TNFRSF10B: variants seen among roughly 807,000 people sequenced by gnomAD.
TNFRSF10B encodes the protein TNF receptor superfamily member 10b, also known as tumor necrosis factor receptor superfamily member 10B.
In TNFRSF10B, 35 loss-of-function variants were observed where a neutral mutation model predicts 41.4. That is an observed-to-expected ratio of 0.85 (90% CI 0.65 to 1.12). The LOEUF (loss-of-function observed/expected upper bound fraction) is 1.12, where lower values mean the gene tolerates loss of function less well. TNFRSF10B is among the 50% of genes most tolerant of loss of function. The probability of loss-of-function intolerance (pLI) is 0.00; values close to 1 mark genes in which losing one functional copy is unlikely to be tolerated. For synonymous variants in TNFRSF10B, 230 were observed against 215.5 expected, an observed-to-expected ratio of 1.07 and a Z score of -0.59; for missense variants, 584 against 552.7, an observed-to-expected ratio of 1.06 and a Z score of -0.57.
intron 1 of TNFRSF10B, among the ~76,000 whole-genome samples, chr8:23,065,528 G>A (rs960475826): frequency 7.2e-5 from 11 of 152,204 alleles, no homozygotes; most frequent in African/African-American, 2.7e-4. Flanking sequence ...AGGGCTGGGA[G>A]ATCTGCATGT....
intron 2 of TNFRSF10B, chr8:23,042,789 GT>G (rs1812243172): frequency 9.8e-6 from 2 of 204,836 alleles, no homozygotes; most frequent in Non-Finnish European, 9.9e-6. Context: ...CCTGGCAATT[GT>G]TCCAGTGGAA....
At chr8:23,068,535 T>C (rs554600526) in intron 1 of TNFRSF10B, 2 of 665,202 alleles carry the variant, frequency 3.0e-6, no homozygotes, top group South Asian at 4.0e-5. Flanking sequence ...TTACACCAAG[T>C]GGAGCGCGCG....
chr8:23,056,225 C>T (rs1812660723), intron 1 of TNFRSF10B, among the ~76,000 whole-genome samples: 3 of 150,612 alleles, frequency 2.0e-5, no homozygotes, highest in African/African-American at 7.3e-5. Context: ...ACATACTGTC[C>T]TTATAGAGTC....
intron 2 of TNFRSF10B, among the ~76,000 whole-genome samples, chr8:23,037,915 T>C (rs747375721): frequency 6.6e-6 from 1 of 152,144 alleles, no homozygotes; most frequent in African/African-American, 2.4e-5. Context: ...TTATCAAAAT[T>C]TTTGCTGCTT....
intron 1 of TNFRSF10B, among the ~76,000 whole-genome samples, chr8:23,067,355 C>T (rs1255995593): frequency 1.3e-5 from 2 of 152,100 alleles, no homozygotes; most frequent in Non-Finnish European, 2.9e-5. Flanking sequence ...TTCAACACAA[C>T]CCAGTTGTGG....
At chr8:23,047,617 G>A (rs919484608) in intron 1 of TNFRSF10B, among the ~76,000 whole-genome samples, 7 of 151,272 alleles carry the variant, frequency 4.6e-5, no homozygotes, top group Admixed American at 6.6e-5. Context: ...TCAACATCAC[G>A]AATCATTAGG....
At position 23,043,225 on chromosome 8, in the gene TNFRSF10B, G is replaced by C; in HGVS notation, c.163C>G (p.Leu55Val). The C allele has an allele frequency of 3.7e-6, 6 of 1,614,126 alleles. No homozygotes were observed. Among genetic ancestry groups the C allele is most frequent in the Non-Finnish European group, 5.1e-6 (6 of 1,180,018 alleles). Residue 55 changes from leucine (L) to valine (V), a missense_variant, in exon 2 of 9, where the codon CTG (leucine) becomes GTG (valine). Transcript: ENST00000276431. ...GGAGCTAGGTCTTGTTGGGTGATCA[G>C]AGCAGACTCAGCTGAGACCTGTGGG... Reference protein sequence around the residue: ...VLLLVSAESALITQQDLAPQQ... With the variant: ...VLLLVSAESAVITQQDLAPQQ...
At position 23,028,407 on chromosome 8, in the gene TNFRSF10B, GA is replaced by G; in HGVS notation, c.671del (p.Val224AlafsTer2). The part of the protein sequence containing the change: ...IIIGVTVAAV[V>X]LIVAVFVCKS... ...TGCAAACAAACACAGCCACAATCAAGACTACGGCTGCAACTGTGACTCCTAT... is the reference window on the plus strand; with the variant it reads ...TGCAAACAAACACAGCCACAATCAAGCTACGGCTGCAACTGTGACTCCTAT... On this transcript the variant is annotated frameshift_variant, in exon 5 of 9. Coordinates refer to ENST00000276431, the MANE Select transcript of TNFRSF10B (RefSeq NM_003842.5). LOFTEE classifies it high-confidence loss of function. 6.2e-7 allele frequency: 1 copy of G among 1,614,190 alleles called. No individual in the cohort carries two copies. The highest frequency in any genetic ancestry group is 8.5e-7 in the Non-Finnish European group (1 of 1,180,032).
intron 2 of TNFRSF10B, among the ~76,000 whole-genome samples, chr8:23,033,659 T>C (rs1811950587): frequency 7.3e-6 from 1 of 137,074 alleles, no homozygotes; most frequent in Non-Finnish European, 1.6e-5. Flanking sequence ...TAAATATAAA[T>C]GCTGGTACGC....
intron 6 of TNFRSF10B, 90 bp downstream of exon 6, chr8:23,027,632 G>A (rs1358466623): frequency 8.2e-6 from 13 of 1,575,792 alleles, no homozygotes; most frequent in African/African-American, 1.4e-5. Context: ...CAGCCATGAG[G>A]ACAATGGGGA....
At chr8:23,028,163 T>TG in intron 5 of TNFRSF10B, 168 bp downstream of exon 5, 3 of 864,354 alleles carry the variant, frequency 3.5e-6, no homozygotes, top group African/African-American at 1.7e-5. Flanking sequence ...ACCAGGGTCC[T>TG]GGGGGGTGCA....
chr8:23,047,369 A>G (rs1411617782), intron 1 of TNFRSF10B, among the ~76,000 whole-genome samples: 2 of 152,008 alleles, frequency 1.3e-5, no homozygotes, highest in African/African-American at 4.8e-5. Context: ...AAAAAAAAAA[A>G]AAAAAGTTTC....
intron 2 of TNFRSF10B, among the ~76,000 whole-genome samples, chr8:23,041,753 G>T (rs1179082806): frequency 6.6e-6 from 1 of 152,090 alleles, no homozygotes; most frequent in Admixed American, 6.6e-5. Context: ...CCACATCTCA[G>T]TCCTTGACAC....
intron 8 of TNFRSF10B, 89 bp downstream of exon 8, chr8:23,024,099 G>A (rs1811627621): frequency 6.5e-7 from 1 of 1,541,388 alleles, no homozygotes; most frequent in Non-Finnish European, 9.0e-7. Context: ...GAATACTCTG[G>A]AAGAGCCCTC....
At chr8:23,053,444 A>C (rs532454356) in intron 1 of TNFRSF10B, among the ~76,000 whole-genome samples, 86 of 152,264 alleles carry the variant, frequency 5.6e-4, no homozygotes, top group Admixed American at 2.9e-3. Context: ...GATATTTTTT[A>C]CTAGATTAAA....
chr8:23,036,387 C>A (rs1489879522), intron 2 of TNFRSF10B, among the ~76,000 whole-genome samples: 1 of 152,196 alleles, frequency 6.6e-6, no homozygotes, highest in East Asian at 1.9e-4. Context: ...ATATTACTTT[C>A]TTTTGCCTGG....
chr8:23,022,596 G>A lies in TNFRSF10B; in HGVS notation c.*75C>T, dbSNP rs1259479879. The A allele has an allele frequency of 4.6e-6, 7 of 1,527,778 alleles. No homozygotes were observed. The highest frequency in any genetic ancestry group is 6.3e-6 in the Non-Finnish European group (7 of 1,107,474). 94.6% of individuals were successfully genotyped at this position (1,527,778 alleles called of 1,614,324 possible). On this transcript the variant is annotated 3_prime_UTR_variant, in exon 9 of 9. Transcript: ENST00000276431. ...GTGACAATTGTGGCACTTTCCTACT[G>A]ACTGGAGTCCAGTTGGGCTTTTTCC...
chr8:23,068,983 C>G lies in TNFRSF10B; in HGVS notation c.-89G>C, dbSNP rs1241393260. 1.2e-6 allele frequency: 2 copies of G among 1,603,788 alleles called. No individual in the cohort carries two copies. Among genetic ancestry groups the G allele is most frequent in the Non-Finnish European group, 1.7e-6 (2 of 1,174,326 alleles). On this transcript the variant is annotated 5_prime_UTR_variant, in exon 1 of 9. Transcript: ENST00000276431. ...GCATCGTCGGTGTATTTTGTGGGCGCAGAGATTGCGGGGTTCTCCGGCCGC... is the reference window on the plus strand; with the variant it reads ...GCATCGTCGGTGTATTTTGTGGGCGGAGAGATTGCGGGGTTCTCCGGCCGC...
At chr8:23,029,441 A>T (rs565310269) in intron 4 of TNFRSF10B, among the ~76,000 whole-genome samples, 169 bp downstream of exon 4, 1 of 151,938 alleles carries the variant, frequency 6.6e-6, no homozygotes, top group Non-Finnish European at 1.5e-5. Flanking sequence ...GGGTGGAAAG[A>T]GGCTGCTGCA....
Sources: gnomAD v4.1 joint callset for allele counts (sites outside exome capture counted in the v4.1 genomes callset) on GRCh38, gnomAD v4.1.1 for gene constraint, MANE v1.5 for transcripts, NCBI Gene and HGNC (gene_info 2026-07-23, HGNC 2026-07-21) for gene names.